The following TAFA2 variants were observed in gnomAD, a reference collection of about 807,000 sequenced individuals.
TAFA2 encodes chemokine-like protein TAFA-2.
In TAFA2, 7 loss-of-function variants were observed where a neutral mutation model predicts 18.8. The ratio of observed to expected loss-of-function variants is 0.37; its 90% confidence interval spans 0.21 to 0.70. TAFA2 has a LOEUF of 0.70. Among genes scored for constraint, TAFA2 ranks in the 30% least tolerant of loss-of-function variants. The probability of loss-of-function intolerance (pLI) is 0.53; values close to 1 mark genes in which losing one functional copy is unlikely to be tolerated. For synonymous variants in TAFA2, 60 were observed against 54.2 expected, an observed-to-expected ratio of 1.11 and a Z score of -0.47; for missense variants, 122 against 158.1, an observed-to-expected ratio of 0.77 and a Z score of 1.23.
chr12:62,229,155 A>T (rs1242882038), intron 1 of TAFA2, among the ~76,000 whole-genome samples: 1 of 152,162 alleles, frequency 6.6e-6, no homozygotes, highest in Non-Finnish European at 1.5e-5. Context: ...GTCATCTGCA[A>T]ACAAGGATAA....
chr12:62,197,451 T>A (rs1330377256), upstream of TAFA2, among the ~76,000 whole-genome samples: 1 of 152,252 alleles, frequency 6.6e-6, no homozygotes, highest in Non-Finnish European at 1.5e-5. Context: ...GAAAATTACT[T>A]TATTGAAGTA....
intron 1 of TAFA2, among the ~76,000 whole-genome samples, chr12:62,236,317 T>G (rs2062837398): frequency 6.6e-6 from 1 of 150,880 alleles, no homozygotes; most frequent in South Asian, 2.1e-4. Context: ...CAGGCTGGAG[T>G]GCAATGGTGC....
At chr12:61,923,357 C>G (rs1186271388) in intron 1 of TAFA2, among the ~76,000 whole-genome samples, 1 of 152,162 alleles carries the variant, frequency 6.6e-6, no homozygotes, top group Non-Finnish European at 1.5e-5. Flanking sequence ...TGGCATATGG[C>G]AGGTCCCCCT....
intron 1 of TAFA2, among the ~76,000 whole-genome samples, chr12:61,878,743 T>A (rs1874977419): frequency 6.6e-6 from 1 of 152,208 alleles, no homozygotes; most frequent in Admixed American, 6.5e-5. Context: ...TTTCAATTGT[T>A]GTTTATATTA....
intron 2 of TAFA2, among the ~76,000 whole-genome samples, chr12:61,833,736 A>T (rs547698162): frequency 4.6e-5 from 7 of 151,846 alleles, no homozygotes; most frequent in Admixed American, 1.3e-4. Flanking sequence ...TGTCTATAAG[A>T]ACTCTCTTGC....
chr12:62,235,178 G>T (rs1449007936), intron 1 of TAFA2: 1 of 667,798 alleles, frequency 1.5e-6, no homozygotes. Flanking sequence ...CTCCCTGACA[G>T]TAAATCATCC....
chr12:61,893,909 C>T (rs894288197), intron 1 of TAFA2, among the ~76,000 whole-genome samples: 1 of 152,238 alleles, frequency 6.6e-6, no homozygotes, highest in Admixed American at 6.5e-5. Context: ...TATTTTCCAC[C>T]TTCACTGTTT....
At chr12:61,902,638 T>A (rs987910153) in intron 1 of TAFA2, among the ~76,000 whole-genome samples, 1 of 152,162 alleles carries the variant, frequency 6.6e-6, no homozygotes, top group Non-Finnish European at 1.5e-5. Flanking sequence ...GTTAGAGCCT[T>A]CTCTGTTTAC....
chr12:61,974,175 A>G (rs1879351020), intron 1 of TAFA2, among the ~76,000 whole-genome samples: 1 of 151,792 alleles, frequency 6.6e-6, no homozygotes, highest in Admixed American at 6.6e-5. Context: ...TGAATCTTTC[A>G]ATCTCTATAT....
intron 1 of TAFA2, among the ~76,000 whole-genome samples, chr12:62,081,699 T>C (rs940428064): frequency 1.3e-5 from 2 of 151,946 alleles, no homozygotes; most frequent in African/African-American, 4.8e-5. Flanking sequence ...TGGCCAGGCT[T>C]GTCTTGAACT....
intron 1 of TAFA2, among the ~76,000 whole-genome samples, chr12:62,239,324 CTAAG>C (rs2062851448): frequency 1.3e-5 from 2 of 152,160 alleles, no homozygotes; most frequent in South Asian, 4.1e-4. Context: ...TGTATTCTTC[CTAAG>C]TAATTCCACC....
chr12:61,918,931 G>T (rs1305051681), intron 1 of TAFA2, among the ~76,000 whole-genome samples: 5 of 152,172 alleles, frequency 3.3e-5, no homozygotes, highest in Non-Finnish European at 7.4e-5. Flanking sequence ...CCTGGCCTTT[G>T]CCTGTGCTAG....
At chr12:61,717,666 C>A (rs557765202) in intron 4 of TAFA2, among the ~76,000 whole-genome samples, 2 of 152,096 alleles carry the variant, frequency 1.3e-5, no homozygotes, top group Admixed American at 1.3e-4. Flanking sequence ...CAAACAACAG[C>A]ATTTCTGTAG....
chr12:62,016,556 C>G (rs868304284), intron 1 of TAFA2, among the ~76,000 whole-genome samples: 2 of 152,120 alleles, frequency 1.3e-5, no homozygotes, highest in Admixed American at 6.5e-5. Flanking sequence ...GACCCTTCTT[C>G]CCACAGGCAC....
chr12:62,190,051 A>T (rs867642921), intron 1 of TAFA2, among the ~76,000 whole-genome samples: 31 of 152,108 alleles, frequency 2.0e-4, no homozygotes, highest in Middle Eastern at 3.4e-3. Context: ...ATACTCACAA[A>T]AAGATAATTT....
At chr12:62,100,361 T>C (rs750177410) in intron 1 of TAFA2, among the ~76,000 whole-genome samples, 21 of 152,266 alleles carry the variant, frequency 1.4e-4, no homozygotes, top group Middle Eastern at 3.4e-3. Context: ...CCTAGTAACA[T>C]TTACATCCCA....
chr12:61,882,056 T>C (rs565704162), intron 1 of TAFA2, among the ~76,000 whole-genome samples: 1 of 152,332 alleles, frequency 6.6e-6, no homozygotes, highest in South Asian at 2.1e-4. Flanking sequence ...ATGAAATAAC[T>C]GTGCTTATAA....
At chr12:61,873,802 A>G (rs954321881) in intron 1 of TAFA2, among the ~76,000 whole-genome samples, 1 of 152,126 alleles carries the variant, frequency 6.6e-6, no homozygotes, top group African/African-American at 2.4e-5. Context: ...TGAATATAGA[A>G]TATCCAAGTT....
At chr12:61,990,303 A>G (rs1301669246) in intron 1 of TAFA2, among the ~76,000 whole-genome samples, 4 of 144,624 alleles carry the variant, frequency 2.8e-5, no homozygotes, top group Non-Finnish European at 4.5e-5. Flanking sequence ...TAGACTATTT[A>G]TTAAGTGTCT....
Sources: allele counts gnomAD v4.1 joint callset (sites outside exome capture counted in the v4.1 genomes callset), GRCh38; gene constraint gnomAD v4.1.1; transcripts MANE v1.5; gene names NCBI Gene and HGNC (gene_info 2026-07-23, HGNC 2026-07-21).